Variants in KLF10 observed in about 807,000 individuals in gnomAD.
KLF10 encodes the protein KLF transcription factor 10.
KLF10 carries 17 observed loss-of-function variants against 31.6 expected under a neutral mutation model. The ratio of observed to expected loss-of-function variants is 0.54; its 90% confidence interval spans 0.37 to 0.81. KLF10 has a LOEUF of 0.81. Among genes scored for constraint, KLF10 ranks in the 30% least tolerant of loss-of-function variants. The pLI, the probability that KLF10 is intolerant of heterozygous loss-of-function variation, is 0.00. For synonymous variants in KLF10, 239 were observed against 215.1 expected (o/e 1.11, Z -0.97); for missense variants, 525 against 598.1 (o/e 0.88, Z 1.27).
At position 102,650,002 on chromosome 8, in the gene KLF10, G is replaced by A. The variant is rs1176471481; in HGVS notation, c.*130C>T. The A allele has an allele frequency of 3.7e-5, 46 of 1,249,776 alleles. No homozygotes were observed. The highest frequency in any genetic ancestry group is 2.0e-4 in the South Asian group (13 of 64,918). The allele number at this position is 1,249,776 out of a possible 1,614,324, so 77.4% of individuals were successfully genotyped here. On this transcript the variant is annotated 3_prime_UTR_variant, in exon 4 of 4. Transcript: ENST00000285407. ...GTCACCTAACCCAGGCGGGGCCTTCGTGCCAGGCTGTGGGGCTTCTGCTTT... is the reference window on the plus strand; with the variant it reads ...GTCACCTAACCCAGGCGGGGCCTTCATGCCAGGCTGTGGGGCTTCTGCTTT...
In KLF10 at chr8:102,651,377, A is replaced by T; in HGVS notation, c.955T>A (p.Phe319Ile). 1 of 1,602,612 alleles carries T rather than the reference A, an allele frequency of 6.2e-7. No individual in the cohort carries two copies. The highest frequency in any genetic ancestry group is 8.5e-7 in the Non-Finnish European group (1 of 1,173,150). Residue 319 changes from phenylalanine (F) to isoleucine (I), a missense_variant, in exon 3 of 4, where the codon TTT (phenylalanine) becomes ATT (isoleucine). By Grantham distance (21) the Phe-to-Ile change is conservative (BLOSUM62 0). Coordinates refer to ENST00000285407, the MANE Select transcript of KLF10 (RefSeq NM_005655.4). ...TGCACAACGGGCTGGGGTACCACAA[A>T]CATGACAGCGCCTTTGGGGACTTGT... ...GTQVPKGAVM[F>I]VVPQPVVQSS... is the part of the protein sequence containing the mutation.
chr8:102,651,222 G>A lies in KLF10; in HGVS notation c.1110C>T (p.Ile370=), dbSNP rs1827200021. 1.3e-6 allele frequency: 2 copies of A among 1,568,520 alleles called. No homozygotes were observed. The highest frequency in any genetic ancestry group is 2.4e-5 in the South Asian group (2 of 83,728). The change falls in exon 3 of 4, where the codon ATC becomes ATT. Residue 370 remains isoleucine (I), a synonymous_variant. Coordinates refer to ENST00000285407, the MANE Select transcript of KLF10 (RefSeq NM_005655.4). ...TCTTGCCACATCCTGGGTGGCTACA[G>A]ATGTGACTCCTTATCCTTGATGAAT... ...QIDSSRIRSH[I]CSHPGCGKTY...
At chr8:102,655,525 G>A in intron 1 of KLF10, 41 bp downstream of exon 1, 1 of 1,613,498 alleles carries the variant, frequency 6.2e-7, no homozygotes, top group Non-Finnish European at 8.5e-7. Flanking sequence ...CCCCAGACAA[G>A]ACCAGGCGAG....
chr8:102,651,897 G>A lies in KLF10; in HGVS notation c.435C>T (p.Pro145=), dbSNP rs772288484. Residue 145 remains proline (P), a synonymous_variant, in exon 3 of 4, where the codon CCC becomes CCT. Coordinates refer to ENST00000285407, the MANE Select transcript of KLF10 (RefSeq NM_005655.4). ...KEEEKSPVSA[P]KLPKAQATSV... Reference sequence around the variant, plus strand: ...TTGTTGCCTGAGCTTTGGGGAGTTTGGGGGCAGATACTGGGCTCTTTTCTT... The same window carrying A: ...TTGTTGCCTGAGCTTTGGGGAGTTTAGGGGCAGATACTGGGCTCTTTTCTT... The A allele has an allele frequency of 6.2e-7, 1 of 1,614,146 alleles. No individual in the cohort carries two copies. The highest frequency in any genetic ancestry group is 8.5e-7 in the Non-Finnish European group (1 of 1,180,026).
In KLF10 at chr8:102,651,211, G is replaced by A. The variant is rs756179810; in HGVS notation, c.1121C>T (p.Pro374Leu). Reference sequence around the variant, plus strand: ...TTTAAAGTATGTCTTGCCACATCCTGGGTGGCTACAGATGTGACTCCTTAT... The same window carrying A: ...TTTAAAGTATGTCTTGCCACATCCTAGGTGGCTACAGATGTGACTCCTTAT... ...SRIRSHICSH[P>L]GCGKTYFKSS... The change falls in exon 3 of 4, where the codon CCA (proline) becomes CTA (leucine). Residue 374 changes from proline (P) to leucine (L), a missense_variant. By Grantham distance (98) the Pro-to-Leu change is moderately conservative. Coordinates refer to ENST00000285407, the MANE Select transcript of KLF10 (RefSeq NM_005655.4). The A allele has an allele frequency of 2.6e-6, 4 of 1,542,984 alleles. No individual in the cohort carries two copies. The highest frequency in any genetic ancestry group is 2.8e-5 in the African/African-American group (2 of 72,454).
chr8:102,652,169 C>G lies in KLF10; in HGVS notation c.265G>C (p.Ala89Pro), dbSNP rs1042960086. The change falls in exon 2 of 4, where the codon GCA becomes CCA. Residue 89 changes from alanine (A) to proline (P), a missense_variant. Physicochemically the swap from Ala to Pro is conservative, Grantham distance 27. Transcript: ENST00000285407. ...TTAAAAACAATAATACTTACAAATG[C>G]TGGGATTGTATGAAAATCAGGTGTT... Reference protein sequence around the residue: ...PGTPDFHTIPAFCLTPPYSPS... With the variant: ...PGTPDFHTIPPFCLTPPYSPS... 1 of 1,587,972 alleles carries G rather than the reference C, an allele frequency of 6.3e-7. No homozygotes were observed.
chr8:102,655,571 T>C lies in KLF10; in HGVS notation c.31A>G (p.Thr11Ala), dbSNP rs748258912. Residue 11 changes from threonine (T) to alanine (A), a missense_variant, in exon 1 of 4, where the codon ACT (threonine) becomes GCT (alanine). Physicochemically the swap from Thr to Ala is moderately conservative, Grantham distance 58. Coordinates refer to ENST00000285407, the MANE Select transcript of KLF10 (RefSeq NM_005655.4). ...GGCATCCCCAAATGACTTACCGCAG[T>C]CTGCTGGAGAGAGGCACCGAAGTTG... MLNFGASLQQTAEERMEMISE... is the reference protein window; with the variant it reads MLNFGASLQQAAEERMEMISE... 3.1e-6 allele frequency: 5 copies of C among 1,614,048 alleles called. No homozygotes were observed. The highest frequency in any genetic ancestry group is 4.2e-6 in the Non-Finnish European group (5 of 1,180,002).
intron 2 of KLF10, 25 bp downstream of exon 2, chr8:102,652,139 C>T (rs752762437): frequency 2.7e-6 from 4 of 1,502,856 alleles, no homozygotes; most frequent in South Asian, 2.7e-5. Flanking sequence ...TAATTTACGT[C>T]TATCTTAAAA....
chr8:102,649,685 T>C lies in KLF10; in HGVS notation c.*447A>G, dbSNP rs907890572. The C allele has an allele frequency of 1.8e-5, 3 of 166,352 alleles. No individual in the cohort carries two copies. The highest frequency in any genetic ancestry group is 4.0e-5 in the Non-Finnish European group (3 of 75,286). 10.3% of individuals were successfully genotyped at this position (166,352 alleles called of 1,614,324 possible). ...AAAAAGATGACAATATTTGTAATAATACAAACTCATTTTACATCTCCATGT... is the reference window on the plus strand; with the variant it reads ...AAAAAGATGACAATATTTGTAATAACACAAACTCATTTTACATCTCCATGT... On this transcript the variant is annotated 3_prime_UTR_variant, in exon 4 of 4. Coordinates refer to ENST00000285407, the MANE Select transcript of KLF10 (RefSeq NM_005655.4).
rs747763992 is a variant in KLF10, at chr8:102,651,431, C to T, written c.901G>A (p.Val301Ile). 3.7e-6 allele frequency: 6 copies of T among 1,613,452 alleles called. No homozygotes were observed. The highest frequency in any genetic ancestry group is 3.3e-5 in the South Asian group (3 of 90,988). Reference sequence around the variant, plus strand: ...CCCATGAACACAACAGGGGGGCAAACGGCTGGTGGCTGGCTGGGAGGAGTG... The same window carrying T: ...CCCATGAACACAACAGGGGGGCAAATGGCTGGTGGCTGGCTGGGAGGAGTG... ...PSTPPSQPPA[V>I]CPPVVFMGTQ... Residue 301 changes from valine (V) to isoleucine (I), a missense_variant, in exon 3 of 4, where the codon GTT becomes ATT. Transcript: ENST00000285407.
In KLF10 at chr8:102,653,944, T is replaced by G. The variant is rs2471847; in HGVS notation, c.37-1547A>C. 0.1 allele frequency: 98,602 copies of G among 986,264 alleles called. 5,753 individuals carry two copies. Among genetic ancestry groups the G allele is most frequent in the East Asian group, 0.41 (3,520 of 8,666 alleles). 61.1% of individuals were successfully genotyped at this position (986,264 alleles called of 1,614,324 possible). ...ATCCTAGCTGGCGGAGACCGACGGA[T>G]GGGGCCGCCCTAACCTCAATGAGGC... On this transcript the variant is annotated intron_variant, in intron 1 of 3. Coordinates refer to ENST00000285407, the MANE Select transcript of KLF10 (RefSeq NM_005655.4).
At position 102,651,755 on chromosome 8, in the gene KLF10, C is replaced by T; in HGVS notation, c.577G>A (p.Val193Ile). 1 of 1,614,264 alleles carries T rather than the reference C, an allele frequency of 6.2e-7. No homozygotes were observed. The highest frequency in any genetic ancestry group is 8.5e-7 in the Non-Finnish European group (1 of 1,180,042). ...GGTATGTTCTTTCTTGCAGCCTCAA[C>T]ATTTAGGTGGGTTCTTCTTCTAAAA... The part of the protein sequence containing the change: ...NSFRRRTHLN[V>I]EAARKNIPCA... The change falls in exon 3 of 4, where the codon GTT (valine) becomes ATT (isoleucine). Residue 193 changes from valine to isoleucine, a missense_variant. Physicochemically the swap from Val to Ile is conservative, Grantham distance 29. Around this residue, in one of 3 missense-constraint regions of KLF10, gnomAD observed 434 missense variants for 450.7 expected, o/e 0.96. Transcript: ENST00000285407.
At chr8:102,650,512 G>T in intron 3 of KLF10, 121 bp from the exon 4 acceptor site, 2 of 1,028,218 alleles carry the variant, frequency 1.9e-6, no homozygotes, top group Non-Finnish European at 2.8e-6. Flanking sequence ...AAATCAAACT[G>T]TCAAATGAAT....
chr8:102,655,711 C>G lies in KLF10; in HGVS notation c.-110G>C. On this transcript the variant is annotated 5_prime_UTR_variant, in exon 1 of 4. Coordinates refer to ENST00000285407, the MANE Select transcript of KLF10 (RefSeq NM_005655.4). The stretch of plus-strand genomic sequence containing the variant: ...CGACGCCGCTCCCGCCGCCGCCGCG[C>G]TCAGCGCCGTCTGCCCCCTCCCCAT... 1 of 1,301,236 alleles carries G rather than the reference C, an allele frequency of 7.7e-7. No individual in the cohort carries two copies. Among genetic ancestry groups the G allele is most frequent in the Admixed American group, 2.0e-5 (1 of 50,720 alleles). The allele number at this position is 1,301,236 out of a possible 1,614,324, so 80.6% of individuals were successfully genotyped here. A position where few individuals can be genotyped will look rare whatever the true frequency, so the allele number is the denominator to read the frequency against.
chr8:102,651,158 T>A lies in KLF10; in HGVS notation c.1174A>T (p.Thr392Ser). 2.7e-6 allele frequency: 4 copies of A among 1,507,822 alleles called. No homozygotes were observed. The highest frequency in any genetic ancestry group is 2.3e-5 in the Admixed American group (1 of 43,218). 93.4% of individuals were successfully genotyped at this position (1,507,822 alleles called of 1,614,324 possible). A position where few individuals can be genotyped will look rare whatever the true frequency, so the allele number is the denominator to read the frequency against. The change falls in exon 3 of 4, where the codon ACG becomes TCG. Residue 392 changes from threonine (T) to serine (S), a missense_variant. Coordinates refer to ENST00000285407, the MANE Select transcript of KLF10 (RefSeq NM_005655.4). Reference sequence around the variant, plus strand: ...AAGAAGTGGCTGGTACCTGTGTGCGTCCTCGTGTGGGCCTTCAGATGGGAA... The same window carrying A: ...AAGAAGTGGCTGGTACCTGTGTGCGACCTCGTGTGGGCCTTCAGATGGGAA... Reference protein sequence around the residue: ...KSSHLKAHTRTHTGEKPFSCS... With the variant: ...KSSHLKAHTRSHTGEKPFSCS...
Position 102,650,165 on chromosome 8 carries a change from A to C in KLF10, c.1410T>G (p.Ile470Met), listed in dbSNP as rs1226794099. The C allele has an allele frequency of 1.9e-6, 3 of 1,614,204 alleles. No individual in the cohort carries two copies. The highest frequency in any genetic ancestry group is 2.5e-6 in the Non-Finnish European group (3 of 1,180,028). ...TGGGAGCAGGGGTTGGAGGTAGAGCAATGTCATTTAGCTTGCTCACTTCCA... is the reference window on the plus strand; with the variant it reads ...TGGGAGCAGGGGTTGGAGGTAGAGCCATGTCATTTAGCTTGCTCACTTCCA... ...WQMEVSKLND[I>M]ALPPTPAPTQ The change falls in exon 4 of 4, where the codon ATT becomes ATG. Residue 470 changes from isoleucine (I) to methionine (M), a missense_variant. Coordinates refer to ENST00000285407, the MANE Select transcript of KLF10 (RefSeq NM_005655.4).
chr8:102,652,108 T>C (rs923014710), intron 2 of KLF10, 47 bp from the exon 3 acceptor site: 1 of 1,480,176 alleles, frequency 6.8e-7, no homozygotes, highest in Non-Finnish European at 9.0e-7. Context: ...CAGTTTATTA[T>C]ATAAATTTTA....
chr8:102,651,261 G>C lies in KLF10; in HGVS notation c.1071C>G (p.Val357=), dbSNP rs760325244. ...TCCTTGATGAATCAATCTGAGGAGT[G>C]ACTTTTGCTGCTGAAGGGGAAAACC... ...APGFSPSAAK[V]TPQIDSSRIR... The change falls in exon 3 of 4, where the codon GTC becomes GTG. Residue 357 remains valine (V), a synonymous_variant. Coordinates refer to ENST00000285407, the MANE Select transcript of KLF10 (RefSeq NM_005655.4). 3.1e-6 allele frequency: 5 copies of C among 1,606,348 alleles called. No homozygotes were observed. The Admixed American group carries it at 5.1e-5, about 16-fold the overall frequency.
In KLF10 at chr8:102,651,840, T is replaced by C. The variant is rs1244580667; in HGVS notation, c.492A>G (p.Leu164=). Residue 164 remains leucine, a synonymous_variant, in exon 3 of 4, where the codon CTA becomes CTG. Transcript: ENST00000285407. The stretch of plus-strand genomic sequence containing the variant: ...TCATTGGGCAGGTCTGGTGGTTACA[T>C]AGCTGGGCATCAGCTGTATGACGAA... ...SVIRHTADAQ[L]CNHQTCPMKA... is the part of the protein sequence containing the mutation. The C allele has an allele frequency of 8.7e-6, 14 of 1,614,096 alleles. No individual in the cohort carries two copies. The highest frequency in any genetic ancestry group is 2.7e-5 in the African/African-American group (2 of 74,930).
Sources: gnomAD v4.1 joint callset for allele counts on GRCh38, gnomAD v4.1.1 for gene constraint, gnomAD v4.1.1 regional missense constraint, MANE v1.5 for transcripts, NCBI Gene and HGNC (gene_info 2026-07-23, HGNC 2026-07-21) for gene names.